The following EPS15L1 variants were observed in gnomAD, a reference collection of about 807,000 sequenced individuals.
The protein encoded by EPS15L1 is epidermal growth factor receptor substrate 15-like 1.
EPS15L1 carries 43 observed loss-of-function variants against 117.1 expected under a neutral mutation model. That is an observed-to-expected ratio of 0.37 (90% confidence interval 0.29 to 0.47). EPS15L1 has a LOEUF of 0.47. EPS15L1 is among the 20% of genes least tolerant of loss of function. The pLI is 0.99. For synonymous variants in EPS15L1, 459 were observed against 470.5 expected, an observed-to-expected ratio of 0.98 and a Z score of 0.32; for missense variants, 981 against 1,164.0, an observed-to-expected ratio of 0.84 and a Z score of 2.29.
chr19:16,451,678 G>A (rs931873392), intron 1 of EPS15L1, among the ~76,000 whole-genome samples: 33 of 151,716 alleles, frequency 2.2e-4, no homozygotes, highest in African/African-American at 6.5e-4. Flanking sequence ...ACAGGTGCCC[G>A]CCACCTCACT....
At chr19:16,412,199 G>C (rs2092712913) in intron 13 of EPS15L1, among the ~76,000 whole-genome samples, 2 of 152,086 alleles carry the variant, frequency 1.3e-5, no homozygotes, top group Admixed American at 1.3e-4. Context: ...TAGAAAAAGA[G>C]AAGCCACCGT....
Position 16,403,867 on chromosome 19 carries a change from G to C in EPS15L1, c.1492C>G (p.Leu498Val), listed in dbSNP as rs776435710. 1.1e-5 allele frequency: 18 copies of C among 1,614,054 alleles called. No individual in the cohort carries two copies. The highest frequency in any genetic ancestry group is 1.4e-5 in the Non-Finnish European group (17 of 1,180,044). Reference protein sequence around the residue: ...ESDLKSQEDDLNRAKSELNRL... With the variant: ...ESDLKSQEDDVNRAKSELNRL... ...TTCAGCTCCGACTTGGCTCGGTTCA[G>C]ATCGTCTTCCTGGGACTTTAAGTCA... Residue 498 changes from leucine to valine, a missense_variant, in exon 15 of 24, where the codon CTG (leucine) becomes GTG (valine). Around this residue, in one of 5 missense-constraint regions of EPS15L1, gnomAD observed 819 missense variants for 949.0 expected, o/e 0.86. Transcript: ENST00000455140.
At chr19:16,362,461 T>C (rs1412613235) in intron 22 of EPS15L1, among the ~76,000 whole-genome samples, 1 of 149,612 alleles carries the variant, frequency 6.7e-6, no homozygotes, top group African/African-American at 2.5e-5. Flanking sequence ...TTATTCGGTG[T>C]GTTAGTTATA....
chr19:16,377,176 T>C lies in EPS15L1; in HGVS notation c.2326A>G (p.Thr776Ala), dbSNP rs774172948. The change falls in exon 22 of 24, where the codon ACT becomes GCT. Residue 776 changes from threonine to alanine, a missense_variant. By Grantham distance (58) the Thr-to-Ala change is moderately conservative. Transcript: ENST00000455140. Reference protein sequence around the residue: ...SDDPFKSKQDTPALPPKKPAP... With the variant: ...SDDPFKSKQDAPALPPKKPAP... ...GGTTTCTTCGGAGGCAGAGCAGGAGTGTCCTGTTTACTTTTAAAGGGGTCA... is the reference window on the plus strand; with the variant it reads ...GGTTTCTTCGGAGGCAGAGCAGGAGCGTCCTGTTTACTTTTAAAGGGGTCA... 1 of 1,611,954 alleles carries C rather than the reference T, an allele frequency of 6.2e-7. No individual in the cohort carries two copies. The highest frequency in any genetic ancestry group is 8.5e-7 in the Non-Finnish European group (1 of 1,179,068).
chr19:16,420,186 C>T (rs1023207623), intron 10 of EPS15L1, among the ~76,000 whole-genome samples: 1 of 152,236 alleles, frequency 6.6e-6, no homozygotes, highest in Non-Finnish European at 1.5e-5. Flanking sequence ...CTTTCCTTCC[C>T]CTTTGCTGCC....
intron 21 of EPS15L1, among the ~76,000 whole-genome samples, chr19:16,380,189 C>T (rs1054947121): frequency 2.0e-5 from 3 of 151,250 alleles, no homozygotes; most frequent in African/African-American, 4.9e-5. Flanking sequence ...CAGACGTGGC[C>T]GTGTAAGGCT....
At chr19:16,413,471 T>C in intron 13 of EPS15L1, 2 of 737,006 alleles carry the variant, frequency 2.7e-6, no homozygotes, top group South Asian at 1.7e-5. Flanking sequence ...GGAAGGAGAC[T>C]GTATTCACCA....
intron 7 of EPS15L1, among the ~76,000 whole-genome samples, chr19:16,432,500 G>T (rs1393522508): frequency 6.6e-6 from 1 of 152,036 alleles, no homozygotes; most frequent in South Asian, 2.1e-4. Context: ...CCCAGGAGGC[G>T]GAGCTTGCAG....
At chr19:16,431,981 G>T (rs997324958) in intron 7 of EPS15L1, among the ~76,000 whole-genome samples, 1 of 152,178 alleles carries the variant, frequency 6.6e-6, no homozygotes, top group African/African-American at 2.4e-5. Context: ...CGTGAAACCC[G>T]AATATACAGA....
intron 7 of EPS15L1, among the ~76,000 whole-genome samples, chr19:16,432,449 T>C (rs2092938052): frequency 1.3e-5 from 2 of 152,160 alleles, no homozygotes; most frequent in South Asian, 2.1e-4. Context: ...GCGCCTGTAG[T>C]CCCAGCTACT....
chr19:16,403,630 G>T, intron 15 of EPS15L1, 103 bp downstream of exon 15: 1 of 1,117,952 alleles, frequency 8.9e-7, no homozygotes, highest in Non-Finnish European at 1.3e-6. Context: ...AGACCCTCAC[G>T]TAAGTAACAA....
intron 1 of EPS15L1, among the ~76,000 whole-genome samples, chr19:16,444,170 TC>T (rs1197799673): frequency 3.7e-5 from 2 of 53,414 alleles, no homozygotes; most frequent in African/African-American, 1.6e-4. Flanking sequence ...AGGGAAAAAG[TC>T]AAAAAAAAAA....
intron 9 of EPS15L1, among the ~76,000 whole-genome samples, chr19:16,422,339 G>C (rs1418375175): frequency 2.0e-5 from 3 of 152,134 alleles, no homozygotes; most frequent in Non-Finnish European, 4.4e-5. Context: ...GCATTACCGC[G>C]GGCCTTCAAT....
intron 7 of EPS15L1, among the ~76,000 whole-genome samples, chr19:16,429,992 A>G (rs568407144): frequency 3.3e-4 from 51 of 152,306 alleles, no homozygotes; most frequent in African/African-American, 1.2e-3. Context: ...AGGTGTGACA[A>G]CCAAAAATGT....
At chr19:16,442,300 A>C (rs2093040099) in intron 1 of EPS15L1, 81 bp from the exon 2 acceptor site, 7 of 1,053,334 alleles carry the variant, frequency 6.6e-6, no homozygotes, top group Middle Eastern at 2.0e-4. Flanking sequence ...CAATTTTGTC[A>C]TGACCAAAAT....
At chr19:16,459,506 C>T (rs1266780704) in intron 1 of EPS15L1, among the ~76,000 whole-genome samples, 1 of 152,054 alleles carries the variant, frequency 6.6e-6, no homozygotes, top group East Asian at 1.9e-4. Context: ...GGGCTGAGTG[C>T]AGGAAGGTGC....
At chr19:16,469,422 GA>G (rs1413216632) in intron 1 of EPS15L1, among the ~76,000 whole-genome samples, 1 of 152,076 alleles carries the variant, frequency 6.6e-6, no homozygotes, top group African/African-American at 2.4e-5. Flanking sequence ...GGAGTACAAG[GA>G]GGAAAGAGAT....
At chr19:16,411,701 C>T (rs751829515) in intron 13 of EPS15L1, among the ~76,000 whole-genome samples, 1 of 152,130 alleles carries the variant, frequency 6.6e-6, no homozygotes, top group Non-Finnish European at 1.5e-5. Context: ...CCCCATATTA[C>T]TTATTCATTT....
At chr19:16,356,758 A>G (rs1226448957) in intron 23 of EPS15L1, 1 of 152,200 alleles carries the variant, frequency 6.6e-6, no homozygotes, top group African/African-American at 2.4e-5. Flanking sequence ...ATGCTGAGAT[A>G]GGTGATTTCA....
Sources: gnomAD v4.1 joint callset for allele counts (sites outside exome capture counted in the v4.1 genomes callset) on GRCh38, gnomAD v4.1.1 for gene constraint, gnomAD v4.1.1 regional missense constraint, MANE v1.5 for transcripts, NCBI Gene and HGNC (gene_info 2026-07-23, HGNC 2026-07-21) for gene names.